The following KCMF1 variants were observed in gnomAD, a reference collection of about 807,000 sequenced individuals.
The protein encoded by KCMF1 is E3 ubiquitin-protein ligase KCMF1.
A neutral mutation model predicts 41.1 loss-of-function variants in KCMF1; 3 were observed. That is an observed-to-expected ratio of 0.07 (90% CI 0.03 to 0.19). The LOEUF (loss-of-function observed/expected upper bound fraction) is 0.19, where lower values mean the gene tolerates loss of function less well. Among genes scored for constraint, KCMF1 ranks in the 10% least tolerant of loss-of-function variants. The pLI is 1.00. For missense variants in KCMF1, 286 were observed against 488.9 expected (o/e 0.58, Z 3.91); for synonymous variants, 142 against 164.5 (o/e 0.86, Z 1.04).
At position 85,030,767 on chromosome 2, in the gene KCMF1, G is replaced by A. The variant is rs547926546; in HGVS notation, c.184+2711G>A. 2.6e-5 allele frequency among the ~76,000 whole-genome samples: 4 copies of A among 152,256 alleles called. No individual in the cohort carries two copies. In the South Asian group the frequency reaches 6.2e-4, roughly 24 times the overall value. On this transcript the variant is annotated intron_variant, in intron 2 of 6. Coordinates refer to ENST00000409785, the MANE Select transcript of KCMF1 (RefSeq NM_020122.5). Reference sequence around the variant, plus strand: ...GCTGGAGTGCAGTGGTGCGATCTTGGCTCACTGCAGCCTCCGCTTCCCAGG... The same window carrying A: ...GCTGGAGTGCAGTGGTGCGATCTTGACTCACTGCAGCCTCCGCTTCCCAGG...
At chr2:85,039,216 T>C (rs1675469310) in intron 3 of KCMF1, among the ~76,000 whole-genome samples, 1 of 152,266 alleles carries the variant, frequency 6.6e-6, no homozygotes, top group Admixed American at 6.5e-5. Context: ...GTCAGAACTT[T>C]AACTTTACCA....
rs374135913 is a variant in KCMF1, at chr2:85,046,298, A to G, written c.601+20A>G. 2.6e-5 allele frequency: 42 copies of G among 1,596,794 alleles called. No homozygotes were observed. In the Middle Eastern group the frequency reaches 6.7e-4, roughly 26 times the overall value. Reference sequence around the variant, plus strand: ...TAGCTGGTAAGTTAGTTTCACATTAATAAGGGAAATGGCAGGGGAAGGAGG... The same window carrying G: ...TAGCTGGTAAGTTAGTTTCACATTAGTAAGGGAAATGGCAGGGGAAGGAGG... On this transcript the variant is annotated intron_variant, in intron 5 of 6. Transcript: ENST00000409785.
At chr2:85,010,808 G>A (rs906570342) in intron 1 of KCMF1, among the ~76,000 whole-genome samples, 5 of 150,518 alleles carry the variant, frequency 3.3e-5, no homozygotes, top group East Asian at 3.9e-4. Flanking sequence ...GTATGGAGTC[G>A]TGGATTCCTG....
chr2:85,015,618 T>C (rs923700439), intron 1 of KCMF1, among the ~76,000 whole-genome samples: 1 of 152,164 alleles, frequency 6.6e-6, no homozygotes, highest in East Asian at 1.9e-4. Context: ...CTGAAAACTT[T>C]TAGAAATGAA....
At chr2:85,028,959 CTTTAT>C (rs1004685982) in intron 2 of KCMF1, among the ~76,000 whole-genome samples, 1 of 151,974 alleles carries the variant, frequency 6.6e-6, no homozygotes, top group African/African-American at 2.4e-5. Context: ...CAAATAATAG[CTTTAT>C]TTTATTTTAT....
intron 4 of KCMF1, among the ~76,000 whole-genome samples, chr2:85,044,591 G>T (rs989624006): frequency 6.6e-6 from 1 of 152,056 alleles, no homozygotes; most frequent in African/African-American, 2.4e-5. Flanking sequence ...GGCCAGGCTG[G>T]TCTCTTGGCC....
intron 1 of KCMF1, among the ~76,000 whole-genome samples, chr2:84,999,243 C>T (rs1342317281): frequency 2.0e-5 from 3 of 151,844 alleles, no homozygotes; most frequent in African/African-American, 4.8e-5. Flanking sequence ...CTCAGCCTCC[C>T]GGGTTGAAGC....
At chr2:85,038,443 T>C (rs1422920994) in intron 3 of KCMF1, among the ~76,000 whole-genome samples, 2 of 152,174 alleles carry the variant, frequency 1.3e-5, no homozygotes, top group Admixed American at 1.3e-4. Flanking sequence ...CACTAGTCCT[T>C]TATGTATATT....
In KCMF1 at chr2:85,023,800, G is replaced by A. The variant is rs980002437; in HGVS notation, c.17-4089G>A. On this transcript the variant is annotated intron_variant, in intron 1 of 6. Transcript: ENST00000409785. ...AAATATGAACAAATTTTTCAAAGTG[G>A]TTGTGCTGATTTACACTCCTACCAG... Among the ~76,000 whole-genome samples the A allele has an allele frequency of 1.9e-4, 29 of 152,260 alleles. No individual in the cohort carries two copies. The East Asian group carries it at 4.8e-3, about 25-fold the overall frequency.
chr2:85,028,357 G>A (rs1675166965), intron 2 of KCMF1, among the ~76,000 whole-genome samples: 1 of 150,230 alleles, frequency 6.7e-6, no homozygotes, highest in South Asian at 2.1e-4. Flanking sequence ...TAATTTTTTT[G>A]TATTTTTAGT....
chr2:85,051,962 CA>C (rs2104069126), intron 6 of KCMF1, among the ~76,000 whole-genome samples: 1 of 152,282 alleles, frequency 6.6e-6, no homozygotes, highest in East Asian at 1.9e-4. Flanking sequence ...TTTCTTTGAC[CA>C]GGGGCAGTTC....
At chr2:84,978,637 C>T (rs1016865253) in intron 1 of KCMF1, among the ~76,000 whole-genome samples, 40 of 151,952 alleles carry the variant, frequency 2.6e-4, no homozygotes, top group African/African-American at 8.7e-4. Flanking sequence ...GCCTCTGTCT[C>T]CCAGGTTCAA....
chr2:85,037,018 A>C (rs1284053018), intron 3 of KCMF1, among the ~76,000 whole-genome samples: 5 of 149,736 alleles, frequency 3.3e-5, no homozygotes, highest in Non-Finnish European at 5.9e-5. Flanking sequence ...CCTGAAAGTA[A>C]ATACTCAAAA....
intron 1 of KCMF1, among the ~76,000 whole-genome samples, chr2:84,980,750 C>T (rs907754064): frequency 7.9e-5 from 12 of 152,084 alleles, no homozygotes; most frequent in African/African-American, 2.2e-4. Flanking sequence ...ACGTGATCCT[C>T]CTGCCGCAGC....
intron 6 of KCMF1, among the ~76,000 whole-genome samples, chr2:85,050,111 G>A (rs1193993626): frequency 6.6e-6 from 1 of 152,168 alleles, no homozygotes; most frequent in African/African-American, 2.4e-5. Context: ...ATTGCACCAT[G>A]CACTCCAGCC....
intron 1 of KCMF1, among the ~76,000 whole-genome samples, chr2:85,024,091 C>T (rs1482485166): frequency 6.6e-6 from 1 of 152,172 alleles, no homozygotes; most frequent in Non-Finnish European, 1.5e-5. Flanking sequence ...GTTCATAATG[C>T]ATTCTGAATA....
At position 85,056,180 on chromosome 2, in the gene KCMF1, T is replaced by G. The variant is rs991460001; in HGVS notation, c.*2771T>G. ...CTAACAAAGTAGTGGATTCTTATAATTAGGCTCAGGTAAAGTAAGAGAAAA... is the reference window on the plus strand; with the variant it reads ...CTAACAAAGTAGTGGATTCTTATAAGTAGGCTCAGGTAAAGTAAGAGAAAA... On this transcript the variant is annotated 3_prime_UTR_variant, in exon 7 of 7. Coordinates refer to ENST00000409785, the MANE Select transcript of KCMF1 (RefSeq NM_020122.5). The G allele has an allele frequency of 6.6e-6, 1 of 151,706 alleles. No individual in the cohort carries two copies. Among genetic ancestry groups the G allele is most frequent in the Admixed American group, 6.6e-5 (1 of 15,244 alleles). 9.4% of individuals were successfully genotyped at this position (151,706 alleles called of 1,614,324 possible).
chr2:84,992,931 A>G (rs968121662), intron 1 of KCMF1, among the ~76,000 whole-genome samples: 3 of 151,606 alleles, frequency 2.0e-5, no homozygotes, highest in African/African-American at 7.3e-5. Flanking sequence ...AGCTGGGCTC[A>G]GTGTATAATC....
chr2:84,980,030 T>G (rs1212676556), intron 1 of KCMF1, among the ~76,000 whole-genome samples: 1 of 151,478 alleles, frequency 6.6e-6, no homozygotes, highest in Non-Finnish European at 1.5e-5. Flanking sequence ...ATGGTGTTTC[T>G]CCATGTTGGT....
Sources: gnomAD v4.1 joint callset for allele counts (sites outside exome capture counted in the v4.1 genomes callset) on GRCh38, gnomAD v4.1.1 for gene constraint, MANE v1.5 for transcripts, NCBI Gene and HGNC (gene_info 2026-07-23, HGNC 2026-07-21) for gene names.